The following ELMO1 variants were observed in gnomAD, a reference collection of about 807,000 sequenced individuals.
The protein encoded by ELMO1 is engulfment and cell motility 1, also known as engulfment and cell motility protein 1.
Under a neutral mutation model 98.9 loss-of-function variants are expected in ELMO1, and 26 were observed. The ratio of observed to expected loss-of-function variants is 0.26; its 90% confidence interval spans 0.19 to 0.36. The LOEUF is 0.36. Ranked by LOEUF, ELMO1 falls within the 10% of genes least tolerant of loss-of-function variation. The pLI is 1.00. For missense variants in ELMO1, 627 were observed against 935.2 expected (o/e 0.67, Z 4.30); for synonymous variants, 346 against 346.0 (o/e 1.00, Z 0.00).
At chr7:36,930,156 C>T (rs1305870214) in intron 16 of ELMO1, among the ~76,000 whole-genome samples, 2 of 152,164 alleles carry the variant, frequency 1.3e-5, no homozygotes, top group African/African-American at 2.4e-5. Context: ...GTACGGGTCT[C>T]CCCAGCCCAT....
At chr7:37,213,226 CATCAT>C in intron 12 of ELMO1, 104 bp downstream of exon 12, 1 of 1,374,520 alleles carries the variant, frequency 7.3e-7, no homozygotes, top group Non-Finnish European at 9.8e-7. Context: ...AATAAAATGA[CATCAT>C]ATCAAACTCT....
intron 2 of ELMO1, among the ~76,000 whole-genome samples, chr7:37,317,730 AAAAT>A (rs1181803412): frequency 7.2e-5 from 11 of 152,198 alleles, no homozygotes; most frequent in African/African-American, 2.7e-4. Context: ...GTTCCAAAAA[AAAAT>A]AAAGAATGAT....
At chr7:36,872,068 G>GA (rs1803556658) in intron 19 of ELMO1, among the ~76,000 whole-genome samples, 1 of 152,176 alleles carries the variant, frequency 6.6e-6, no homozygotes, top group African/African-American at 2.4e-5. Flanking sequence ...TCTGGCCACA[G>GA]AAAACTACAC....
At chr7:36,873,165 C>T (rs1299702081) in intron 19 of ELMO1, among the ~76,000 whole-genome samples, 1 of 152,168 alleles carries the variant, frequency 6.6e-6, no homozygotes, top group African/African-American at 2.4e-5. Context: ...TCTAAAAATA[C>T]AGTGTAGCTT....
chr7:37,169,730 TCA>T (rs1378240691), intron 13 of ELMO1, among the ~76,000 whole-genome samples: 2 of 152,176 alleles, frequency 1.3e-5, no homozygotes, highest in African/African-American at 2.4e-5. Context: ...GAGGCACATG[TCA>T]CACATGAATG....
chr7:37,260,447 G>A (rs1401334021), intron 5 of ELMO1, among the ~76,000 whole-genome samples: 1 of 152,110 alleles, frequency 6.6e-6, no homozygotes, highest in Non-Finnish European at 1.5e-5. Context: ...CCTAGGTATC[G>A]AAGGCAAAAC....
intron 1 of ELMO1, among the ~76,000 whole-genome samples, chr7:37,384,081 C>G (rs547976823): frequency 6.6e-6 from 1 of 152,340 alleles, no homozygotes; most frequent in African/African-American, 2.4e-5. Flanking sequence ...TCCCAGAATG[C>G]TGGGATTACA....
chr7:37,342,379 G>A lies in ELMO1; in HGVS notation c.78+234C>T, dbSNP rs1171398581. On this transcript the variant is annotated intron_variant, in intron 2 of 21. Transcript: ENST00000310758. The surrounding 1 kb of genome is among the most constrained non-coding windows in gnomAD (Gnocchi z 4.3). ...ACTTGTCCCTCCCACCTCCTTCCTA[G>A]CTTCAGACACAAATCCTGTATTGAC... Among the ~76,000 whole-genome samples the A allele has an allele frequency of 6.6e-6, 1 of 152,156 alleles. No homozygotes were observed. The highest frequency in any genetic ancestry group is 2.4e-5 in the African/African-American group (1 of 41,426).
intron 1 of ELMO1, chr7:37,376,169 A>T (rs1426719637): frequency 3.8e-6 from 1 of 261,040 alleles, no homozygotes; most frequent in Non-Finnish European, 7.6e-6. Context: ...GTATAGAATT[A>T]TACCTTTGAT....
At position 36,970,190 on chromosome 7, in the gene ELMO1, C is replaced by T. The variant is rs1400133021; in HGVS notation, c.1437+43109G>A. On this transcript the variant is annotated intron_variant, in intron 16 of 21. Transcript: ENST00000310758. ...TACATTCATACACTTAACACACACACACACACACACACACACACACACACA... is the reference window on the plus strand; with the variant it reads ...TACATTCATACACTTAACACACACATACACACACACACACACACACACACA... Among the ~76,000 whole-genome samples the T allele has an allele frequency of 7.9e-3, 909 of 114,392 alleles. 10 individuals carry two copies. The highest frequency in any genetic ancestry group is 0.027 in the African/African-American group (841 of 31,686). The allele number at this position is 114,392 out of a possible 152,430, so 75.0% of individuals were successfully genotyped here.
At chr7:37,352,314 T>A (rs1185165307) in intron 1 of ELMO1, among the ~76,000 whole-genome samples, 1 of 152,208 alleles carries the variant, frequency 6.6e-6, no homozygotes, top group African/African-American at 2.4e-5. Flanking sequence ...TTATGTTACC[T>A]GGTCTCGAAC....
chr7:36,899,330 T>C (rs1806302040), intron 16 of ELMO1, among the ~76,000 whole-genome samples: 1 of 152,166 alleles, frequency 6.6e-6, no homozygotes, highest in Non-Finnish European at 1.5e-5. Flanking sequence ...CCTGCTCTAG[T>C]TGAGGCAAGG....
chr7:37,344,125 G>A (rs200264782), intron 1 of ELMO1, among the ~76,000 whole-genome samples: 89 of 145,054 alleles, frequency 6.1e-4, no homozygotes, highest in East Asian at 1.6e-3. Context: ...TCCACCTCCC[G>A]GGTTCAAGCG....
At chr7:37,331,364 A>T (rs1171569918) in intron 2 of ELMO1, among the ~76,000 whole-genome samples, 95 of 6,670 alleles carry the variant, frequency 0.014, no homozygotes, top group Non-Finnish European at 0.019. Context: ...TTGGAATTTT[A>T]GTAGAGACAG....
intron 1 of ELMO1, among the ~76,000 whole-genome samples, chr7:37,430,465 C>T (rs1804887678): frequency 6.6e-6 from 1 of 152,244 alleles, no homozygotes; most frequent in African/African-American, 2.4e-5. Flanking sequence ...ATGGTCGCTT[C>T]TCCCAGACAG....
intron 1 of ELMO1, chr7:37,375,623 A>G: frequency 8.7e-7 from 1 of 1,154,294 alleles, no homozygotes; most frequent in Non-Finnish European, 1.3e-6. Context: ...AAGCACCAGG[A>G]GCTGGCAGAC....
At chr7:36,992,650 G>C (rs1283592936) in intron 16 of ELMO1, among the ~76,000 whole-genome samples, 2 of 152,122 alleles carry the variant, frequency 1.3e-5, no homozygotes, top group Non-Finnish European at 2.9e-5. Context: ...CATCGGAAAA[G>C]GAAAGCTTCA....
chr7:37,369,311 T>C (rs2131350356), intron 1 of ELMO1, among the ~76,000 whole-genome samples: 1 of 152,308 alleles, frequency 6.6e-6, no homozygotes, highest in Non-Finnish European at 1.5e-5. Flanking sequence ...AGTATTTGCA[T>C]TATACCTACT....
intron 13 of ELMO1, among the ~76,000 whole-genome samples, chr7:37,200,086 CACAG>C (rs770568753): frequency 3.2e-4 from 48 of 152,030 alleles, no homozygotes; most frequent in Admixed American, 9.2e-4. Flanking sequence ...TTTATCCCCC[CACAG>C]ACAGATAGGG....
Sources: allele counts gnomAD v4.1 joint callset (sites outside exome capture counted in the v4.1 genomes callset), GRCh38; gene constraint gnomAD v4.1.1; non-coding constraint Gnocchi (gnomAD v3.1); transcripts MANE v1.5; gene names NCBI Gene and HGNC (gene_info 2026-07-23, HGNC 2026-07-21).